Variants in P2RY14 observed in about 807,000 individuals in gnomAD.
The protein encoded by P2RY14 is purinergic receptor P2Y14, also known as P2Y purinoceptor 14.
A neutral mutation model predicts 0.9 loss-of-function variants in P2RY14; 2 were observed. That is an observed-to-expected ratio of 2.16 (90% confidence interval 0.88 to 6.79). The LOEUF (loss-of-function observed/expected upper bound fraction) is 6.79. Among genes scored for constraint, P2RY14 ranks in the 30% most tolerant of loss-of-function variants. The pLI, the probability that P2RY14 is intolerant of heterozygous loss-of-function variation, is 0.05. For synonymous variants in P2RY14, 158 were observed against 147.2 expected, an observed-to-expected ratio of 1.07 and a Z score of -0.53; for missense variants, 378 against 400.1, an observed-to-expected ratio of 0.94 and a Z score of 0.47.
chr3:151,219,891 ACCC>A (rs141293857), intron 1 of P2RY14, among the ~76,000 whole-genome samples: 3,393 of 91,988 alleles, frequency 0.037, 100 homozygotes, highest in African/African-American at 0.063. Flanking sequence ...GGTTTATATT[ACCC>A]CCCCCCCCCC....
chr3:151,213,266 C>T lies in P2RY14; in HGVS notation c.*34G>A, dbSNP rs774736246. The T allele has an allele frequency of 4.7e-6, 7 of 1,496,260 alleles. No homozygotes were observed. Among genetic ancestry groups the T allele is most frequent in the Admixed American group, 4.1e-5 (2 of 48,552 alleles). The allele number at this position is 1,496,260 out of a possible 1,614,324, so 92.7% of individuals were successfully genotyped here. On this transcript the variant is annotated 3_prime_UTR_variant, in exon 3 of 3. Coordinates refer to ENST00000309170, the MANE Select transcript of P2RY14 (RefSeq NM_014879.4). ...TTATGTAATTGAAGATGACAACATG[C>T]ACACGTGGTCTTTCTTTGGAAGAGG...
chr3:151,270,166 A>C (rs10935831), intron 1 of P2RY14: 51,303 of 182,956 alleles, frequency 0.28, 7,611 homozygotes, highest in South Asian at 0.31. Context: ...CCTTTTTAAA[A>C]ATTTTCTCCA....
In P2RY14 at chr3:151,213,139, C is replaced by T. The variant is rs1440161555; in HGVS notation, c.*161G>A. On this transcript the variant is annotated 3_prime_UTR_variant, in exon 3 of 3. Coordinates refer to ENST00000309170, the MANE Select transcript of P2RY14 (RefSeq NM_014879.4). The stretch of plus-strand genomic sequence containing the variant: ...GATGGGTATGTTTTCTTTGATGTTA[C>T]AAAAAAGCATGGAAACTTATATTTG... 9.0e-6 allele frequency: 5 copies of T among 557,138 alleles called. No homozygotes were observed. The highest frequency in any genetic ancestry group is 6.9e-5 in the Admixed American group (2 of 28,830). 34.5% of individuals were successfully genotyped at this position (557,138 alleles called of 1,614,324 possible).
Position 151,214,210 on chromosome 3 carries a change from C to G in P2RY14, c.107G>C (p.Gly36Ala). The G allele has an allele frequency of 1.2e-6, 2 of 1,613,838 alleles. No individual in the cohort carries two copies. The highest frequency in any genetic ancestry group is 1.7e-6 in the Non-Finnish European group (2 of 1,179,758). The change falls in exon 3 of 3, where the codon GGA becomes GCA. Residue 36 changes from glycine (G) to alanine (A), a missense_variant. By Grantham distance (60) the Gly-to-Ala change is moderately conservative (BLOSUM62 0). Coordinates refer to ENST00000309170, the MANE Select transcript of P2RY14 (RefSeq NM_014879.4). Reference sequence around the variant, plus strand: ...TCCTGACACTCCATTGAGTAGGATTCCTGCAATGAAGACCATACAGTACAG... The same window carrying G: ...TCCTGACACTCCATTGAGTAGGATTGCTGCAATGAAGACCATACAGTACAG... The part of the protein sequence containing the change: ...PVLYCMVFIA[G>A]ILLNGVSGWI...
chr3:151,268,454 G>T (rs1487331110), intron 1 of P2RY14, among the ~76,000 whole-genome samples: 2 of 152,178 alleles, frequency 1.3e-5, no homozygotes, highest in Admixed American at 1.3e-4. Flanking sequence ...AATGAAACTG[G>T]ATTATCCCTG....
chr3:151,233,791 C>G (rs888718383), intron 1 of P2RY14, among the ~76,000 whole-genome samples: 11 of 152,202 alleles, frequency 7.2e-5, no homozygotes, highest in African/African-American at 2.7e-4. Flanking sequence ...CACAGGCATT[C>G]TTGGATCGTT....
chr3:151,218,498 A>G (rs978359660), intron 2 of P2RY14, among the ~76,000 whole-genome samples: 1 of 152,212 alleles, frequency 6.6e-6, no homozygotes, highest in Non-Finnish European at 1.5e-5. Context: ...TTGAGGCTTT[A>G]GGAATATAAA....
At chr3:151,261,910 A>G (rs1336249170) in intron 1 of P2RY14, among the ~76,000 whole-genome samples, 10 of 152,002 alleles carry the variant, frequency 6.6e-5, no homozygotes, top group Admixed American at 6.6e-4. Flanking sequence ...TATTTTTAGT[A>G]GAGACGGGGT....
At chr3:151,267,958 T>C (rs527489466) in intron 1 of P2RY14, among the ~76,000 whole-genome samples, 1 of 152,300 alleles carries the variant, frequency 6.6e-6, no homozygotes, top group East Asian at 1.9e-4. Flanking sequence ...ATTATCCTAA[T>C]TTATGAATTT....
chr3:151,223,759 G>C (rs1729895965), intron 1 of P2RY14, among the ~76,000 whole-genome samples: 1 of 152,154 alleles, frequency 6.6e-6, no homozygotes, highest in Non-Finnish European at 1.5e-5. Context: ...TTTGGGTGAT[G>C]GGTTCACTAG....
chr3:151,234,348 G>C (rs889004280), intron 1 of P2RY14, among the ~76,000 whole-genome samples: 1 of 152,236 alleles, frequency 6.6e-6, no homozygotes, highest in African/African-American at 2.4e-5. Context: ...AGCCTAGAGA[G>C]CTTGAATAAA....
intron 1 of P2RY14, among the ~76,000 whole-genome samples, chr3:151,251,293 G>A (rs1349393857): frequency 3.3e-5 from 5 of 152,004 alleles, no homozygotes; most frequent in Non-Finnish European, 7.4e-5. Flanking sequence ...CTCAATTTGT[G>A]ATAATACCAT....
chr3:151,274,816 C>T (rs2149578906), intron 1 of P2RY14, among the ~76,000 whole-genome samples: 1 of 152,270 alleles, frequency 6.6e-6, no homozygotes, highest in Non-Finnish European at 1.5e-5. Flanking sequence ...AGAATGTAAG[C>T]CACCAGAGGC....
intron 1 of P2RY14, among the ~76,000 whole-genome samples, chr3:151,240,822 G>C (rs1433787127): frequency 6.6e-6 from 1 of 152,238 alleles, no homozygotes. Context: ...TTAGGTCAGA[G>C]ACAAGGAGTG....
chr3:151,243,640 TG>T (rs1734726736), intron 1 of P2RY14, among the ~76,000 whole-genome samples: 1 of 151,730 alleles, frequency 6.6e-6, no homozygotes, highest in Non-Finnish European at 1.5e-5. Flanking sequence ...AAGGAACAAC[TG>T]GTACCAGCCG....
intron 1 of P2RY14, among the ~76,000 whole-genome samples, chr3:151,250,742 T>C (rs1242097994): frequency 6.6e-6 from 1 of 152,194 alleles, no homozygotes; most frequent in East Asian, 1.9e-4. Flanking sequence ...TATACAAATA[T>C]CTGCTTAAGA....
intron 1 of P2RY14, among the ~76,000 whole-genome samples, chr3:151,239,769 T>C (rs911445436): frequency 2.0e-5 from 3 of 152,228 alleles, no homozygotes; most frequent in African/African-American, 4.8e-5. Flanking sequence ...GATTTTGTTA[T>C]GGTTGTTAGT....
chr3:151,261,791 C>A (rs1206261547), intron 1 of P2RY14, among the ~76,000 whole-genome samples: 1 of 152,132 alleles, frequency 6.6e-6, no homozygotes, highest in Non-Finnish European at 1.5e-5. Flanking sequence ...GTGGTATGAT[C>A]TTGGCGCACT....
Position 151,213,219 on chromosome 3 carries a change from G to T in P2RY14, c.*81C>A. Reference sequence around the variant, plus strand: ...GCTAGAGATGATATTTATGATGAGGGCACATATCTTATTGATTTCTGTTAT... The same window carrying T: ...GCTAGAGATGATATTTATGATGAGGTCACATATCTTATTGATTTCTGTTAT... On this transcript the variant is annotated 3_prime_UTR_variant, in exon 3 of 3. Transcript: ENST00000309170. 3 of 1,036,732 alleles carry T rather than the reference G, an allele frequency of 2.9e-6. No homozygotes were observed. The highest frequency in any genetic ancestry group is 4.3e-4 in the Middle Eastern group (2 of 4,702). The allele number at this position is 1,036,732 out of a possible 1,614,324, so 64.2% of individuals were successfully genotyped here. A position where few individuals can be genotyped will look rare whatever the true frequency, so the allele number is the denominator to read the frequency against.
Sources: allele counts gnomAD v4.1 joint callset (sites outside exome capture counted in the v4.1 genomes callset), GRCh38; gene constraint gnomAD v4.1.1; transcripts MANE v1.5; gene names NCBI Gene and HGNC (gene_info 2026-07-23, HGNC 2026-07-21).